The following GABBR2 variants were observed in gnomAD, a reference collection of about 807,000 sequenced individuals.
GABBR2 encodes G-protein coupled receptor 51.
Under a neutral mutation model 105.6 loss-of-function variants are expected in GABBR2, and 23 were observed. The observed-to-expected ratio is 0.22, with a 90% confidence interval of 0.16 to 0.31. GABBR2 has a LOEUF of 0.31. Ranked by LOEUF, GABBR2 falls within the 10% of genes least tolerant of loss-of-function variation. The pLI is 1.00. For synonymous variants in GABBR2, 478 were observed against 499.7 expected (o/e 0.96, Z 0.58); for missense variants, 734 against 1,245.5 (o/e 0.59, Z 6.18).
At chr9:98,578,988 G>A (rs1480453909) in intron 1 of GABBR2, among the ~76,000 whole-genome samples, 3 of 152,188 alleles carry the variant, frequency 2.0e-5, no homozygotes, top group African/African-American at 7.2e-5. Flanking sequence ...TTGTTTGACA[G>A]GCTCAGAGTT....
chr9:98,372,971 CTTTTT>C (rs568186703), intron 11 of GABBR2, among the ~76,000 whole-genome samples: 1 of 139,252 alleles, frequency 7.2e-6, no homozygotes, highest in Non-Finnish European at 1.6e-5. Context: ...TTTTCTTTTT[CTTTTT>C]TTTTAATTTC....
At chr9:98,647,123 T>G (rs1345206350) in intron 1 of GABBR2, among the ~76,000 whole-genome samples, 1 of 152,194 alleles carries the variant, frequency 6.6e-6, no homozygotes, top group Non-Finnish European at 1.5e-5. Context: ...CAAACACAGG[T>G]GAAGTGCTGG....
intron 6 of GABBR2, 62 bp downstream of exon 6, chr9:98,473,084 C>CTTTTGGCCA: frequency 7.8e-7 from 1 of 1,274,592 alleles, no homozygotes; most frequent in Non-Finnish European, 1.1e-6. Context: ...TGGCCAATGT[C>CTTTTGGCCA]ATCAGACAAG....
chr9:98,391,997 A>C (rs942801704), intron 9 of GABBR2, among the ~76,000 whole-genome samples: 1 of 152,044 alleles, frequency 6.6e-6, no homozygotes, highest in Admixed American at 6.5e-5. Context: ...AACCCAGGCC[A>C]GGTGTGGATA....
chr9:98,598,493 ATAAAT>A (rs1330355221), intron 1 of GABBR2, among the ~76,000 whole-genome samples: 7 of 152,216 alleles, frequency 4.6e-5, no homozygotes, highest in Non-Finnish European at 8.8e-5. Context: ...GCTGAAATAA[ATAAAT>A]TAAAATGCGG....
At chr9:98,479,531 G>A (rs528499914) in intron 5 of GABBR2, among the ~76,000 whole-genome samples, 4 of 152,132 alleles carry the variant, frequency 2.6e-5, no homozygotes, top group South Asian at 2.1e-4. Flanking sequence ...CCCTTCTCCC[G>A]GCTAAATCAG....
chr9:98,305,282 T>G (rs943434770), intron 15 of GABBR2, among the ~76,000 whole-genome samples: 11 of 152,228 alleles, frequency 7.2e-5, no homozygotes, highest in African/African-American at 2.4e-4. Context: ...AGTTATTTTT[T>G]TGGACCCAAC....
Position 98,403,149 on chromosome 9 carries a change from C to T in GABBR2, c.1297+2932G>A, listed in dbSNP as rs374869942. Among the ~76,000 whole-genome samples, 60 of 152,034 alleles carry T rather than the reference C, an allele frequency of 3.9e-4. 1 individual carries two copies. Among genetic ancestry groups the T allele is most frequent in the African/African-American group, 1.2e-3 (50 of 41,484 alleles). On this transcript the variant is annotated intron_variant, in intron 8 of 18. Coordinates refer to ENST00000259455, the MANE Select transcript of GABBR2 (RefSeq NM_005458.8). ...TCTCTACTAAAAATACAAAAATTAGCTGGGCATGGTGGCACGAGCCTGTAG... is the reference window on the plus strand; with the variant it reads ...TCTCTACTAAAAATACAAAAATTAGTTGGGCATGGTGGCACGAGCCTGTAG...
chr9:98,386,897 C>A (rs1342230159), intron 10 of GABBR2, among the ~76,000 whole-genome samples: 2 of 152,194 alleles, frequency 1.3e-5, no homozygotes, highest in African/African-American at 4.8e-5. Flanking sequence ...TTAGACTCGG[C>A]CACTCCATAA....
chr9:98,673,088 T>G (rs1224174642), intron 1 of GABBR2, among the ~76,000 whole-genome samples: 2 of 152,212 alleles, frequency 1.3e-5, no homozygotes, highest in Non-Finnish European at 2.9e-5. Context: ...GGGAAATAGA[T>G]GAAACCCCAT....
chr9:98,598,326 A>G (rs1216929428), intron 1 of GABBR2, among the ~76,000 whole-genome samples: 1 of 152,188 alleles, frequency 6.6e-6, no homozygotes, highest in Non-Finnish European at 1.5e-5. Flanking sequence ...CCTACTCTAC[A>G]GGTAGAAAGT....
chr9:98,479,881 C>G (rs1177119728), intron 5 of GABBR2, among the ~76,000 whole-genome samples: 1 of 152,166 alleles, frequency 6.6e-6, no homozygotes, highest in African/African-American at 2.4e-5. Context: ...ACACACAGTA[C>G]TCCTCAGCTA....
In GABBR2 at chr9:98,535,487, T is replaced by A. The variant is rs1323119716; in HGVS notation, c.630+6386A>T. Reference sequence around the variant, plus strand: ...ACACAAAAAAAAACCCAATGCAGTATAACAACTATTTACCTAGCATTTACA... The same window carrying A: ...ACACAAAAAAAAACCCAATGCAGTAAAACAACTATTTACCTAGCATTTACA... On this transcript the variant is annotated intron_variant, in intron 3 of 18. Transcript: ENST00000259455. Among the ~76,000 whole-genome samples the A allele has an allele frequency of 2.4e-4, 37 of 152,004 alleles. 1 individual carries two copies. Among genetic ancestry groups the A allele is most frequent in the Admixed American group, 2.4e-3 (37 of 15,272 alleles).
chr9:98,360,847 T>C (rs628997), intron 13 of GABBR2, among the ~76,000 whole-genome samples: 62,870 of 151,860 alleles, frequency 0.41, 15,391 homozygotes, highest in African/African-American at 0.69. Flanking sequence ...CTTGGGAACC[T>C]CTCGTAAATA....
chr9:98,682,521 G>A (rs900074654), intron 1 of GABBR2, among the ~76,000 whole-genome samples: 4 of 151,560 alleles, frequency 2.6e-5, no homozygotes, highest in East Asian at 3.9e-4. Context: ...GACTACAGGC[G>A]CCAGCCACCA....
intron 3 of GABBR2, among the ~76,000 whole-genome samples, chr9:98,506,573 C>A (rs910381741): frequency 3.3e-5 from 5 of 152,200 alleles, no homozygotes; most frequent in Non-Finnish European, 7.3e-5. Flanking sequence ...GTCCCAGGGG[C>A]AGCGCTAGCT....
chr9:98,539,404 A>C (rs1267461008), intron 3 of GABBR2, among the ~76,000 whole-genome samples: 3 of 152,176 alleles, frequency 2.0e-5, no homozygotes, highest in African/African-American at 7.2e-5. Flanking sequence ...AGAGAAGAAA[A>C]GAAGGAGAAA....
chr9:98,315,186 C>T (rs1280627896), intron 13 of GABBR2, among the ~76,000 whole-genome samples: 1 of 152,092 alleles, frequency 6.6e-6, no homozygotes, highest in Non-Finnish European at 1.5e-5. Flanking sequence ...CTTTCAGTTC[C>T]GCACCCATCT....
At chr9:98,485,146 G>C (rs1039236583) in intron 4 of GABBR2, among the ~76,000 whole-genome samples, 1 of 152,214 alleles carries the variant, frequency 6.6e-6, no homozygotes, top group African/African-American at 2.4e-5. Context: ...GCTTCCTGGA[G>C]TGAAAGCAGA....
Sources: allele counts gnomAD v4.1 joint callset (sites outside exome capture counted in the v4.1 genomes callset), GRCh38; gene constraint gnomAD v4.1.1; transcripts MANE v1.5; gene names NCBI Gene and HGNC (gene_info 2026-07-23, HGNC 2026-07-21).